GHDC: variants seen among roughly 807,000 people sequenced by gnomAD.
GHDC encodes the protein GH3 domain containing.
A neutral mutation model predicts 51.5 loss-of-function variants in GHDC; 39 were observed. The ratio of observed to expected loss-of-function variants is 0.76; its 90% confidence interval spans 0.59 to 0.99. GHDC has a LOEUF of 0.99. Ranked by LOEUF, GHDC falls within the 50% of genes least tolerant of loss-of-function variation. GHDC has a pLI of 0.00. For synonymous variants in GHDC, 282 were observed against 305.2 expected (o/e 0.92, Z 0.79); for missense variants, 610 against 672.8 (o/e 0.91, Z 1.03).
rs1193700862 is a variant in GHDC, at chr17:42,189,538, C to T, written c.*165G>A. 8 of 444,538 alleles carry T rather than the reference C, an allele frequency of 1.8e-5. No individual in the cohort carries two copies. Among genetic ancestry groups the T allele is most frequent in the Non-Finnish European group, 2.4e-5 (6 of 253,632 alleles). 27.5% of individuals were successfully genotyped at this position (444,538 alleles called of 1,614,324 possible). A position where few individuals can be genotyped will look rare whatever the true frequency, so the allele number is the denominator to read the frequency against. Reference sequence around the variant, plus strand: ...ACCCCGGAGGCCCATACTTCAGAACCGGTCAGCTGGGCCAAGGCCTCTCTA... The same window carrying T: ...ACCCCGGAGGCCCATACTTCAGAACTGGTCAGCTGGGCCAAGGCCTCTCTA... On this transcript the variant is annotated 3_prime_UTR_variant, in exon 10 of 10. Transcript: ENST00000587427.
At position 42,193,421 on chromosome 17, in the gene GHDC, C is replaced by A; in HGVS notation, c.161G>T (p.Arg54Met). 1 of 1,567,034 alleles carries A rather than the reference C, an allele frequency of 6.4e-7. No individual in the cohort carries two copies. Among genetic ancestry groups the A allele is most frequent in the Non-Finnish European group, 8.7e-7 (1 of 1,156,064 alleles). The change falls in exon 3 of 10, where the codon AGG (arginine) becomes ATG (methionine). Residue 54 changes from arginine to methionine, a missense_variant. By Grantham distance (91) the Arg-to-Met change is moderately conservative. This residue lies in a region of GHDC where 198 missense variants were observed against 262.3 expected (regional missense o/e 0.75). Coordinates refer to ENST00000587427, the MANE Select transcript of GHDC (RefSeq NM_032484.5). Reference protein sequence around the residue: ...LVWAATWQRRRLEQSTLHVHQ... With the variant: ...LVWAATWQRRMLEQSTLHVHQ... Reference sequence around the variant, plus strand: ...CACATGGAGCGTGCTCTGCTCCAGCCTCCGCCGCTGCCAGGTGGCTGCCCA... The same window carrying A: ...CACATGGAGCGTGCTCTGCTCCAGCATCCGCCGCTGCCAGGTGGCTGCCCA...
chr17:42,192,091 T>G lies in GHDC; in HGVS notation c.889+150A>C, dbSNP rs1379048680. On this transcript the variant is annotated intron_variant, in intron 5 of 9. Transcript: ENST00000587427. ...GACTCTTAACCTAGAGAGCCTGAAT[T>G]TCTTCACTTGTAAAAGGAGGCTGCT... is the stretch of plus-strand genomic sequence containing the variant. The G allele has an allele frequency of 2.8e-6, 3 of 1,057,624 alleles. No individual in the cohort carries two copies. The East Asian group carries it at 7.7e-5, about 27-fold the overall frequency. 65.5% of individuals were successfully genotyped at this position (1,057,624 alleles called of 1,614,324 possible).
rs913606090 is a variant in GHDC, at chr17:42,190,519, A to C, written c.1288+105T>G. 3.5e-6 allele frequency: 5 copies of C among 1,440,402 alleles called. No individual in the cohort carries two copies. The Admixed American group carries it at 1.2e-4, about 34-fold the overall frequency. The allele number at this position is 1,440,402 out of a possible 1,614,324, so 89.2% of individuals were successfully genotyped here. On this transcript the variant is annotated intron_variant, in intron 8 of 9. Transcript: ENST00000587427. ...AGATGCAGAGAAGGACTTTTGTAGG[A>C]GTAGTAAAGGAGGCTTATCTCTTTC...
At position 42,191,033 on chromosome 17, in the gene GHDC, C is replaced by A. The variant is rs746387604; in HGVS notation, c.1067G>T (p.Arg356Leu). 1 of 1,579,286 alleles carries A rather than the reference C, an allele frequency of 6.3e-7. No individual in the cohort carries two copies. The highest frequency in any genetic ancestry group is 8.6e-7 in the Non-Finnish European group (1 of 1,163,326). Residue 356 changes from arginine to leucine, a missense_variant, in exon 6 of 10, where the codon CGC becomes CTC. Arg to Leu is a moderately radical substitution (Grantham distance 102). Transcript: ENST00000587427. ...AGCTGATCACCTGGTGAGGCTGGCG[C>A]GGTCCGTCAGCACCAGCTCATACTC... is the stretch of plus-strand genomic sequence containing the variant. ...GKEYELVLTDRASLTRCRLGD... is the reference protein window; with the variant it reads ...GKEYELVLTDLASLTRCRLGD...
chr17:42,193,712 C>G (rs1191978473), intron 2 of GHDC, 55 bp downstream of exon 2: 1 of 1,259,084 alleles, frequency 7.9e-7, no homozygotes, highest in Non-Finnish European at 1.1e-6. Flanking sequence ...AGGCAGGACC[C>G]TGTGGGGCAG....
At position 42,193,845 on chromosome 17, in the gene GHDC, C is replaced by T. The variant is rs2079988937; in HGVS notation, c.-92G>A. On this transcript the variant is annotated 5_prime_UTR_variant, in exon 2 of 10. Coordinates refer to ENST00000587427, the MANE Select transcript of GHDC (RefSeq NM_032484.5). ...TAGTGGGCTGCACTGAGCTCTGTTTCCTGATCTGCAAAATGGGAATAAGAA... is the reference window on the plus strand; with the variant it reads ...TAGTGGGCTGCACTGAGCTCTGTTTTCTGATCTGCAAAATGGGAATAAGAA... The T allele has an allele frequency of 4.0e-6, 2 of 499,022 alleles. No homozygotes were observed. Among genetic ancestry groups the T allele is most frequent in the Non-Finnish European group, 3.5e-6 (1 of 283,482 alleles). The allele number at this position is 499,022 out of a possible 1,614,324, so 30.9% of individuals were successfully genotyped here.
chr17:42,190,783 T>G (rs1598285114), intron 7 of GHDC, 26 bp from the exon 8 acceptor site: 1 of 1,614,032 alleles, frequency 6.2e-7, no homozygotes, highest in East Asian at 2.2e-5. Context: ...GGAGAGGCAG[T>G]GGAGCCCAGG....
chr17:42,192,769 T>G, intron 4 of GHDC, 27 bp from the exon 5 acceptor site: 2 of 1,532,694 alleles, frequency 1.3e-6, no homozygotes, highest in Non-Finnish European at 1.7e-6. Context: ...AGAATGTTGG[T>G]CTGGTGTCAG....
chr17:42,190,140 A>G (rs2079956428), intron 9 of GHDC, 45 bp downstream of exon 9: 1 of 1,580,370 alleles, frequency 6.3e-7, no homozygotes, highest in African/African-American at 1.3e-5. Context: ...GGGAGTGTGC[A>G]GAGTGAAGGG....
chr17:42,189,704 C>A lies in GHDC; in HGVS notation c.1592G>T (p.Ter531LeuextTer54). The A allele has an allele frequency of 6.9e-7, 1 of 1,450,538 alleles. No individual in the cohort carries two copies. The highest frequency in any genetic ancestry group is 2.5e-5 in the East Asian group (1 of 39,460). 89.9% of individuals were successfully genotyped at this position (1,450,538 alleles called of 1,614,324 possible). Residue 531 changes from the stop codon to leucine, a stop_lost, in exon 10 of 10, where the codon TGA becomes TTA. Transcript: ENST00000587427. Reference sequence around the variant, plus strand: ...CTGGGCGGTGGGGCAGGACTTGACTCAGGACACCACCCTCTCCTGCAGACA... The same window carrying A: ...CTGGGCGGTGGGGCAGGACTTGACTAAGGACACCACCCTCTCCTGCAGACA... ...AQCLQERVVS[*>L]
In GHDC at chr17:42,190,188, G is replaced by T. The variant is rs766677663; in HGVS notation, c.1371C>A (p.Asp457Glu). Reference sequence around the variant, plus strand: ...ACCCTGTCCTCGTCTCCTTTACCTTGTCTCGATTTTCCTCTGACAGATTCC... The same window carrying T: ...ACCCTGTCCTCGTCTCCTTTACCTTTTCTCGATTTTCCTCTGACAGATTCC... ...GLRNLSEENR[D>E]KLDHCLQEAS... Residue 457 changes from aspartate to glutamate, a missense_variant, in exon 9 of 10, where the codon GAC (aspartate) becomes GAA (glutamate). Coordinates refer to ENST00000587427, the MANE Select transcript of GHDC (RefSeq NM_032484.5). 61 of 1,613,434 alleles carry T rather than the reference G, an allele frequency of 3.8e-5. No homozygotes were observed. The highest frequency in any genetic ancestry group is 2.0e-4 in the South Asian group (18 of 91,022).
At position 42,189,141 on chromosome 17, in the gene GHDC, G is replaced by A. The variant is rs368356722; in HGVS notation, c.*562C>T. On this transcript the variant is annotated 3_prime_UTR_variant, in exon 10 of 10. Transcript: ENST00000587427. ...ATCCCAGGAAGCCCAAGGCGGGGGA[G>A]TGGGGAAGAGAGGGAAGGGAGAGCC... 1.9e-4 allele frequency: 75 copies of A among 398,766 alleles called. No homozygotes were observed. The highest frequency in any genetic ancestry group is 1.3e-3 in the African/African-American group (61 of 48,772). The allele number at this position is 398,766 out of a possible 1,614,324, so 24.7% of individuals were successfully genotyped here.
chr17:42,192,844 G>C, intron 4 of GHDC, 62 bp downstream of exon 4: 1 of 1,586,976 alleles, frequency 6.3e-7, no homozygotes, highest in Non-Finnish European at 8.6e-7. Flanking sequence ...TTGGCTGCAA[G>C]TCAGAGGTCT....
At position 42,189,890 on chromosome 17, in the gene GHDC, C is replaced by A; in HGVS notation, c.1406G>T (p.Arg469Leu). The A allele has an allele frequency of 6.5e-7, 1 of 1,548,802 alleles. No individual in the cohort carries two copies. Among genetic ancestry groups the A allele is most frequent in the African/African-American group, 1.4e-5 (1 of 73,074 alleles). Residue 469 changes from arginine to leucine, a missense_variant, in exon 10 of 10, where the codon CGC becomes CTC. Arg to Leu is a moderately radical substitution (Grantham distance 102). Coordinates refer to ENST00000587427, the MANE Select transcript of GHDC (RefSeq NM_032484.5). ...LDHCLQEASP[R>L]YKSLRFWGSV... ...GCCCCAGAACCGCAGGGACTTGTAGCGGGGAGAGGCTTCCTGAAGGCAGTG... is the reference window on the plus strand; with the variant it reads ...GCCCCAGAACCGCAGGGACTTGTAGAGGGGAGAGGCTTCCTGAAGGCAGTG...
intron 3 of GHDC, 57 bp from the exon 4 acceptor site, chr17:42,193,084 G>C (rs2079982515): frequency 6.8e-6 from 11 of 1,613,304 alleles, no homozygotes; most frequent in Non-Finnish European, 9.3e-6. Context: ...AAGAGTTTCA[G>C]GCAAGACTGG....
At chr17:42,192,189 C>T in intron 5 of GHDC, 52 bp downstream of exon 5, 3 of 1,506,944 alleles carry the variant, frequency 2.0e-6, no homozygotes, top group Non-Finnish European at 8.9e-7. Context: ...GGCTGCTTGT[C>T]ATGTGACCAC....
chr17:42,191,310 G>C, intron 5 of GHDC, 100 bp from the exon 6 acceptor site: 1 of 1,162,096 alleles, frequency 8.6e-7, no homozygotes, highest in South Asian at 2.2e-5. Flanking sequence ...CTGAGCACCT[G>C]ATCCTCCTGC....
chr17:42,193,621 G>A, intron 2 of GHDC, 27 bp from the exon 3 acceptor site: 2 of 1,506,988 alleles, frequency 1.3e-6, no homozygotes, highest in South Asian at 2.5e-5. Context: ...ACCGAGATAT[G>A]GGGGCATGCA....
At chr17:42,193,674 A>C in intron 2 of GHDC, 80 bp from the exon 3 acceptor site, 2 of 1,427,096 alleles carry the variant, frequency 1.4e-6, no homozygotes, top group Non-Finnish European at 1.8e-6. Flanking sequence ...GCATACAGGA[A>C]AACCGAGGAA....
Sources: allele counts gnomAD v4.1 joint callset, GRCh38; gene constraint gnomAD v4.1.1; regional missense constraint gnomAD v4.1.1; transcripts MANE v1.5; gene names NCBI Gene and HGNC (gene_info 2026-07-23, HGNC 2026-07-21).